Variants in DHRS12 observed in about 807,000 individuals in gnomAD.
The protein encoded by DHRS12 is dehydrogenase/reductase SDR family member 12.
DHRS12 carries 29 observed loss-of-function variants against 32.1 expected under a neutral mutation model. The observed-to-expected ratio is 0.90, with a 90% confidence interval of 0.67 to 1.23. DHRS12 has a LOEUF of 1.23. Among genes scored for constraint, DHRS12 ranks in the 50% most tolerant of loss-of-function variants. The pLI is 0.00. For synonymous variants in DHRS12, 150 were observed against 135.9 expected, an observed-to-expected ratio of 1.10 and a Z score of -0.72; for missense variants, 330 against 337.2, an observed-to-expected ratio of 0.98 and a Z score of 0.17.
chr13:51,785,973 C>A (rs1849078944), intron 4 of DHRS12, among the ~76,000 whole-genome samples: 1 of 152,154 alleles, frequency 6.6e-6, no homozygotes. Flanking sequence ...TTCAGTGCAG[C>A]CTGCAGCACA....
At chr13:51,787,106 G>A (rs948330495) in intron 4 of DHRS12, among the ~76,000 whole-genome samples, 1 of 152,134 alleles carries the variant, frequency 6.6e-6, no homozygotes, top group Non-Finnish European at 1.5e-5. Context: ...ACTTGAGAGA[G>A]GATGAATAAA....
At chr13:51,794,483 C>A (rs1955423346) in intron 2 of DHRS12, among the ~76,000 whole-genome samples, 1 of 152,222 alleles carries the variant, frequency 6.6e-6, no homozygotes, top group Non-Finnish European at 1.5e-5. Flanking sequence ...AGCTAGAAAT[C>A]CACATTGGCC....
the DHRS12 span, chr13:51,755,558 A>C: frequency 1.6e-5 from 18 of 1,157,498 alleles, 1 homozygote; most frequent in African/African-American, 6.1e-5. Context: ...AGTTGTGGTG[A>C]GGGTAAATTA....
intron 1 of DHRS12, chr13:51,803,695 C>G (rs1291794860): frequency 5.3e-6 from 1 of 189,704 alleles, no homozygotes; most frequent in Non-Finnish European, 1.1e-5. Flanking sequence ...ACGCCGCCAG[C>G]AGCACCACGA....
At chr13:51,785,220 T>C (rs763182679) in intron 4 of DHRS12, among the ~76,000 whole-genome samples, 8 of 152,076 alleles carry the variant, frequency 5.3e-5, no homozygotes, top group Non-Finnish European at 8.8e-5. Flanking sequence ...AGAGCGAGAC[T>C]CTGTCTCAAA....
intron 4 of DHRS12, among the ~76,000 whole-genome samples, chr13:51,787,889 TATAAATATATATAAAA>T (rs1486476790): frequency 6.0e-5 from 8 of 132,786 alleles, no homozygotes; most frequent in Middle Eastern, 3.6e-3. Flanking sequence ...ATATATAATA[TATAAATATATATAAAA>T]ATATATAATT....
chr13:51,787,042 T>C (rs1175429789), intron 4 of DHRS12, among the ~76,000 whole-genome samples: 2 of 152,310 alleles, frequency 1.3e-5, no homozygotes, highest in South Asian at 2.1e-4. Context: ...CAAAGACCCA[T>C]GGAGCTGCCC....
At chr13:51,791,664 A>C (rs1350982826) in intron 2 of DHRS12, among the ~76,000 whole-genome samples, 1 of 152,214 alleles carries the variant, frequency 6.6e-6, no homozygotes, top group Admixed American at 6.5e-5. Context: ...AATTTCCAGC[A>C]TGCTGACTAG....
At chr13:51,759,484 C>G in the DHRS12 span, among the ~76,000 whole-genome samples, 3 of 152,296 alleles carry the variant, frequency 2.0e-5, no homozygotes, top group South Asian at 6.2e-4. Context: ...CTTCCCAGTC[C>G]TCTCAGCCAT....
At chr13:51,791,136 T>C in intron 3 of DHRS12, 29 bp downstream of exon 3, 2 of 1,456,692 alleles carry the variant, frequency 1.4e-6, no homozygotes, top group South Asian at 1.3e-5. Flanking sequence ...AACATGAATT[T>C]ATTCTCCACT....
rs1478663949 is a variant in DHRS12, at chr13:51,777,045, A to G, written c.363+15T>C. ...AAGTCCATTATCCTCAAAACATCCCATAAGGTCAACTCACCACTCGGGGGT... is the reference window on the plus strand; with the variant it reads ...AAGTCCATTATCCTCAAAACATCCCGTAAGGTCAACTCACCACTCGGGGGT... On this transcript the variant is annotated intron_variant, in intron 5 of 8. Transcript: ENST00000444610. The G allele has an allele frequency of 1.2e-6, 2 of 1,614,102 alleles. No individual in the cohort carries two copies. The highest frequency in any genetic ancestry group is 1.1e-5 in the South Asian group (1 of 91,072).
At chr13:51,766,300 C>T (rs1953746492), downstream of DHRS12, 1 of 152,256 alleles carries the variant, frequency 6.6e-6, no homozygotes, top group Non-Finnish European at 1.5e-5. Context: ...GCTGGCCCCA[C>T]ATTAGTGCCT....
At chr13:51,774,281 AG>A (rs1954218001) in intron 5 of DHRS12, 1 of 115,064 alleles carries the variant, frequency 8.7e-6, no homozygotes, top group African/African-American at 3.2e-5. Flanking sequence ...ATTCTCCTAC[AG>A]TATTCTCCTA....
the DHRS12 span, chr13:51,756,265 G>A: frequency 1.3e-6 from 2 of 1,552,750 alleles, no homozygotes; most frequent in Non-Finnish European, 1.7e-6. Flanking sequence ...GCCAGGAGGG[G>A]TGAGATGCGG....
chr13:51,768,345 C>T (rs1035268412), intron 8 of DHRS12, 49 bp from the exon 9 acceptor site: 4 of 1,533,976 alleles, frequency 2.6e-6, no homozygotes, highest in Non-Finnish European at 1.7e-6. Context: ...TGCAGCGTGG[C>T]TGGGTCCATG....
chr13:51,771,208 C>G (rs1438439020), intron 7 of DHRS12: 1 of 1,551,394 alleles, frequency 6.4e-7, no homozygotes, highest in Admixed American at 2.0e-5. Context: ...GCGGGTGCAC[C>G]CTGGGGTGTG....
chr13:51,803,842 G>C (rs1313450286), intron 1 of DHRS12: 1 of 382,772 alleles, frequency 2.6e-6, no homozygotes, highest in Admixed American at 4.8e-5. Context: ...CGCCAGTCTC[G>C]GTCGCGGGCA....
At chr13:51,799,411 G>A in intron 2 of DHRS12, 123 bp downstream of exon 2, 1 of 1,444,900 alleles carries the variant, frequency 6.9e-7, no homozygotes, top group South Asian at 1.4e-5. Context: ...GCTGTGCCCA[G>A]AACCATGGGA....
intron 4 of DHRS12, among the ~76,000 whole-genome samples, chr13:51,784,317 G>A (rs1006771265): frequency 6.6e-6 from 1 of 152,246 alleles, no homozygotes; most frequent in Non-Finnish European, 1.5e-5. Flanking sequence ...CTCAGGGGAA[G>A]GAATGTGTCC....
Sources: gnomAD v4.1 joint callset for allele counts (sites outside exome capture counted in the v4.1 genomes callset) on GRCh38, gnomAD v4.1.1 for gene constraint, MANE v1.5 for transcripts, NCBI Gene and HGNC (gene_info 2026-07-23, HGNC 2026-07-21) for gene names.